Variants in MRPL35 observed in about 807,000 individuals in gnomAD.
MRPL35 encodes the protein large ribosomal subunit protein bL35m.
In MRPL35, 18 loss-of-function variants were observed where a neutral mutation model predicts 21.6. The ratio of observed to expected loss-of-function variants is 0.83; its 90% CI spans 0.58 to 1.24. MRPL35 has a LOEUF of 1.24. Ranked by LOEUF, MRPL35 falls within the 50% of genes most tolerant of loss-of-function variation. MRPL35 has a pLI of 0.00. For missense variants in MRPL35, 223 were observed against 223.2 expected (o/e 1.00, Z 0.01); for synonymous variants, 87 against 86.9 (o/e 1.00, Z -0.01).
intron 1 of MRPL35, among the ~76,000 whole-genome samples, chr2:86,201,727 A>G (rs1673689318): frequency 6.6e-6 from 1 of 152,200 alleles, no homozygotes; most frequent in African/African-American, 2.4e-5. Flanking sequence ...AGAATTTGTG[A>G]AAGGGTAGTT....
chr2:86,205,724 C>T (rs1673776427), intron 1 of MRPL35, among the ~76,000 whole-genome samples: 1 of 152,172 alleles, frequency 6.6e-6, no homozygotes, highest in African/African-American at 2.4e-5. Context: ...CAGGAAGGGT[C>T]CATGCTCTTG....
chr2:86,201,829 A>C (rs1673691445), intron 1 of MRPL35, among the ~76,000 whole-genome samples: 1 of 152,220 alleles, frequency 6.6e-6, no homozygotes, highest in African/African-American at 2.4e-5. Flanking sequence ...CATCCAGTGC[A>C]GTTCATGTCC....
intron 3 of MRPL35, among the ~76,000 whole-genome samples, chr2:86,209,308 A>G (rs1421079986): frequency 2.0e-5 from 3 of 152,220 alleles, no homozygotes; most frequent in Non-Finnish European, 4.4e-5. Flanking sequence ...TGCAAGGCAC[A>G]TTCTCGGCAA....
chr2:86,212,644 G>A lies in MRPL35; in HGVS notation c.*1976G>A. The A allele has an allele frequency of 7.3e-7, 1 of 1,362,488 alleles. No individual in the cohort carries two copies. The highest frequency in any genetic ancestry group is 1.5e-5 in the African/African-American group (1 of 67,218). 84.4% of individuals were successfully genotyped at this position (1,362,488 alleles called of 1,614,324 possible). On this transcript the variant is annotated 3_prime_UTR_variant, in exon 4 of 4. Coordinates refer to ENST00000337109, the MANE Select transcript of MRPL35 (RefSeq NM_016622.4). ...GCACCTTCGTTTCTCCTCTAGACCAGGGACAGGTGTAGAGATAAGGACTGG... is the reference window on the plus strand; with the variant it reads ...GCACCTTCGTTTCTCCTCTAGACCAAGGACAGGTGTAGAGATAAGGACTGG...
intron 1 of MRPL35, among the ~76,000 whole-genome samples, chr2:86,202,974 C>T: frequency 6.6e-6 from 1 of 152,076 alleles, no homozygotes; most frequent in East Asian, 1.9e-4. Context: ...GGGTGAGCTA[C>T]CACACCTGGC....
In MRPL35 at chr2:86,207,303, T is replaced by C. The variant is rs764895858; in HGVS notation, c.354T>C (p.His118=). 13 of 1,613,604 alleles carry C rather than the reference T, an allele frequency of 8.1e-6. No homozygotes were observed. Among genetic ancestry groups the C allele is most frequent in the South Asian group, 3.3e-5 (3 of 90,988 alleles). Residue 118 remains histidine (H), a synonymous_variant, in exon 3 of 4, where the codon CAT becomes CAC. Coordinates refer to ENST00000337109, the MANE Select transcript of MRPL35 (RefSeq NM_016622.4). The part of the protein sequence containing the change: ...KAVIDRFLRL[H]CGLWVRRKAG... ...TCATCGATAGGTTTCTTCGACTTCA[T>C]TGTGGCCTTTGGGTGAGGAGAAAGG...
At position 86,202,041 on chromosome 2, in the gene MRPL35, C is replaced by T. The variant is rs528165709; in HGVS notation, c.43+2508C>T. ...ACTAGTCTGTATGAAAATGCCCAGA[C>T]GGGGCAGAGGACTGAAGGAAATTAG... is the stretch of plus-strand genomic sequence containing the variant. On this transcript the variant is annotated intron_variant, in intron 1 of 3. Coordinates refer to ENST00000337109, the MANE Select transcript of MRPL35 (RefSeq NM_016622.4). 1.0e-3 allele frequency among the ~76,000 whole-genome samples: 159 copies of T among 152,320 alleles called. 1 individual carries two copies. The highest frequency in any genetic ancestry group is 3.7e-3 in the African/African-American group (153 of 41,562).
chr2:86,204,145 C>T (rs1317131632), intron 1 of MRPL35, among the ~76,000 whole-genome samples: 8 of 151,964 alleles, frequency 5.3e-5, no homozygotes, highest in Non-Finnish European at 7.4e-5. Flanking sequence ...CCACCACACC[C>T]GGCTAATTTT....
At position 86,207,197 on chromosome 2, in the gene MRPL35, T is replaced by A; in HGVS notation, c.248T>A (p.Leu83His). The change falls in exon 3 of 4, where the codon CTT becomes CAT. Residue 83 changes from leucine (L) to histidine (H), a missense_variant. Transcript: ENST00000337109. Reference sequence around the variant, plus strand: ...TATATTTTTAGAATGGCCCCCGTGCTTCCAAGTGTCCTGAAGCTGCCAGTC... The same window carrying A: ...TATATTTTTAGAATGGCCCCCGTGCATCCAAGTGTCCTGAAGCTGCCAGTC... ...SVILNRMAPVLPSVLKLPVRS... is the reference protein window; with the variant it reads ...SVILNRMAPVHPSVLKLPVRS... 1 of 1,611,972 alleles carries A rather than the reference T, an allele frequency of 6.2e-7. No homozygotes were observed. The highest frequency in any genetic ancestry group is 8.5e-7 in the Non-Finnish European group (1 of 1,178,926).
chr2:86,206,120 C>G lies in MRPL35; in HGVS notation c.58C>G (p.Leu20Val), dbSNP rs377584535. The change falls in exon 2 of 4, where the codon CTG becomes GTG. Residue 20 changes from leucine to valine, a missense_variant. Coordinates refer to ENST00000337109, the MANE Select transcript of MRPL35 (RefSeq NM_016622.4). The stretch of plus-strand genomic sequence containing the variant: ...TATCTTTACAGGAATCCTACGGCCC[C>G]TGAATATTTTGGCATCTTCAACCTA... ...VRAASGILRP[L>V]NILASSTYRN... 5 of 1,611,386 alleles carry G rather than the reference C, an allele frequency of 3.1e-6. No homozygotes were observed. The highest frequency in any genetic ancestry group is 4.2e-6 in the Non-Finnish European group (5 of 1,177,686).
chr2:86,210,452 T>C (rs777120336), intron 3 of MRPL35, 28 bp from the exon 4 acceptor site: 14 of 1,577,290 alleles, frequency 8.9e-6, no homozygotes, highest in Non-Finnish European at 9.5e-6. Flanking sequence ...TAGTATGATG[T>C]TTTACATTTC....
At chr2:86,206,372 GC>G in intron 2 of MRPL35, 77 bp downstream of exon 2, 1 of 1,386,028 alleles carries the variant, frequency 7.2e-7, no homozygotes, top group Non-Finnish European at 9.9e-7. Flanking sequence ...TCACTCTGTT[GC>G]CCAGGCCAGA....
chr2:86,206,843 G>A (rs1454246344), intron 2 of MRPL35, among the ~76,000 whole-genome samples: 7 of 152,182 alleles, frequency 4.6e-5, no homozygotes, highest in African/African-American at 1.7e-4. Flanking sequence ...ATACCCCTGG[G>A]TGCCTAGCAC....
chr2:86,202,903 T>C (rs1286898307), intron 1 of MRPL35, among the ~76,000 whole-genome samples: 4 of 151,646 alleles, frequency 2.6e-5, no homozygotes, highest in African/African-American at 7.3e-5. Context: ...TTGGCCAAGC[T>C]GGTCGCAAAC....
In MRPL35 at chr2:86,211,613, C is replaced by T. The variant is rs894312027; in HGVS notation, c.*945C>T. The T allele has an allele frequency of 3.0e-6, 3 of 985,270 alleles. No individual in the cohort carries two copies. The highest frequency in any genetic ancestry group is 3.5e-5 in the African/African-American group (2 of 57,220). The allele number at this position is 985,270 out of a possible 1,614,324, so 61.0% of individuals were successfully genotyped here. On this transcript the variant is annotated 3_prime_UTR_variant, in exon 4 of 4. Coordinates refer to ENST00000337109, the MANE Select transcript of MRPL35 (RefSeq NM_016622.4). ...CCCTTCAGCATGCTCATTCATGAAACAGAAGAGGCTGTACAAGTGAAGACA... is the reference window on the plus strand; with the variant it reads ...CCCTTCAGCATGCTCATTCATGAAATAGAAGAGGCTGTACAAGTGAAGACA...
chr2:86,210,810 G>C lies in MRPL35; in HGVS notation c.*142G>C, dbSNP rs946945014. The C allele has an allele frequency of 2.3e-6, 3 of 1,325,958 alleles. No homozygotes were observed. Among genetic ancestry groups the C allele is most frequent in the Middle Eastern group, 2.7e-4 (1 of 3,646 alleles). 82.1% of individuals were successfully genotyped at this position (1,325,958 alleles called of 1,614,324 possible). A position where few individuals can be genotyped will look rare whatever the true frequency, so the allele number is the denominator to read the frequency against. On this transcript the variant is annotated 3_prime_UTR_variant, in exon 4 of 4. Coordinates refer to ENST00000337109, the MANE Select transcript of MRPL35 (RefSeq NM_016622.4). ...CAGTGACAACATTAAACTTAGAAAA[G>C]TTTTAAAACTTAATGGATCAGACTT...
chr2:86,203,988 C>T (rs908225176), intron 1 of MRPL35, among the ~76,000 whole-genome samples: 8 of 151,192 alleles, frequency 5.3e-5, no homozygotes, highest in South Asian at 2.1e-4. Context: ...GAGTATTTTT[C>T]GCTTTTTTTT....
In MRPL35 at chr2:86,211,231, AC is replaced by A. The variant is rs1289154184; in HGVS notation, c.*564del. ...TTCTCTACACAGCTTTTGCATACTT[AC>A]AGTTTCTGTTCCTTTGTAATAACTT... On this transcript the variant is annotated 3_prime_UTR_variant, in exon 4 of 4. Transcript: ENST00000337109. The A allele has an allele frequency of 2.1e-6, 2 of 944,800 alleles. No homozygotes were observed. The highest frequency in any genetic ancestry group is 1.8e-5 in the African/African-American group (1 of 56,400). 58.5% of individuals were successfully genotyped at this position (944,800 alleles called of 1,614,324 possible).
chr2:86,207,053 A>G, intron 2 of MRPL35, 130 bp from the exon 3 acceptor site: 1 of 873,540 alleles, frequency 1.1e-6, no homozygotes. Flanking sequence ...GGTCATTGGA[A>G]GTAATATTGT....
Sources: allele counts gnomAD v4.1 joint callset (sites outside exome capture counted in the v4.1 genomes callset), GRCh38; gene constraint gnomAD v4.1.1; transcripts MANE v1.5; gene names NCBI Gene and HGNC (gene_info 2026-07-23, HGNC 2026-07-21).